Variants in RBM19 observed in about 807,000 individuals in gnomAD.
RBM19 encodes RNA binding motif protein 19, also known as probable RNA-binding protein 19.
In RBM19, 94 loss-of-function variants were observed where a neutral mutation model predicts 116.8. That is an observed-to-expected ratio of 0.80 (90% CI 0.68 to 0.95). The LOEUF is 0.95. Ranked by LOEUF, RBM19 falls within the 40% of genes least tolerant of loss-of-function variation. RBM19 has a pLI of 0.00. For missense variants in RBM19, 1,161 were observed against 1,220.7 expected (o/e 0.95, Z 0.73); for synonymous variants, 475 against 494.1 (o/e 0.96, Z 0.51).
In RBM19 at chr12:113,843,198, G is replaced by A. The variant is rs548027072; in HGVS notation, c.2785+1470C>T. 8.5e-4 allele frequency among the ~76,000 whole-genome samples: 129 copies of A among 152,330 alleles called. 1 individual carries two copies. Among genetic ancestry groups the A allele is most frequent in the African/African-American group, 2.8e-3 (116 of 41,572 alleles). Reference sequence around the variant, plus strand: ...CCTGGTTTGGCAACAGAGCTGCACCGGTCAGGCGAGGGAATAATCACTCCT... The same window carrying A: ...CCTGGTTTGGCAACAGAGCTGCACCAGTCAGGCGAGGGAATAATCACTCCT... On this transcript the variant is annotated intron_variant, in intron 23 of 23. Coordinates refer to ENST00000261741, the MANE Select transcript of RBM19 (RefSeq NM_016196.4).
At chr12:113,867,747 C>T (rs184571743) in intron 21 of RBM19, among the ~76,000 whole-genome samples, 3 of 152,088 alleles carry the variant, frequency 2.0e-5, no homozygotes, top group South Asian at 2.1e-4. Context: ...ATGGTGAAGC[C>T]CCATTTCTAC....
chr12:113,941,275 T>G, intron 14 of RBM19, among the ~76,000 whole-genome samples: 1 of 151,864 alleles, frequency 6.6e-6, no homozygotes, highest in Non-Finnish European at 1.5e-5. Flanking sequence ...CTGTGGGCCT[T>G]TTAGGTGCAA....
chr12:113,894,115 CA>C (rs3837470), intron 21 of RBM19, among the ~76,000 whole-genome samples: 10,084 of 152,158 alleles, frequency 0.066, 646 homozygotes, highest in East Asian at 0.33. Flanking sequence ...CAAGATGTCT[CA>C]AGACTTTCCG....
At chr12:113,824,562 C>G (rs921419385) in intron 23 of RBM19, among the ~76,000 whole-genome samples, 4 of 152,026 alleles carry the variant, frequency 2.6e-5, no homozygotes, top group Admixed American at 2.0e-4. Context: ...AACACCTCCC[C>G]AAATAAACCA....
In RBM19 at chr12:113,929,856, C is replaced by T. The variant is rs557236969; in HGVS notation, c.2069-2627G>A. On this transcript the variant is annotated intron_variant, in intron 16 of 23. Transcript: ENST00000261741. ...AGGCTGCTGCATCTGTACCCGAAAT[C>T]TCAGGCACCTTCTGGTTGGTGAGAC... Among the ~76,000 whole-genome samples the T allele has an allele frequency of 4.6e-5, 7 of 152,290 alleles. No homozygotes were observed. The South Asian group carries it at 1.2e-3, about 27-fold the overall frequency.
At chr12:113,910,329 C>T (rs1283208874) in intron 21 of RBM19, among the ~76,000 whole-genome samples, 1 of 152,228 alleles carries the variant, frequency 6.6e-6, no homozygotes, top group African/African-American at 2.4e-5. Context: ...ATGGCCACTA[C>T]ACCCAGGCTC....
chr12:113,828,050 C>G (rs1875029615), intron 23 of RBM19, among the ~76,000 whole-genome samples: 2 of 150,734 alleles, frequency 1.3e-5, no homozygotes, highest in African/African-American at 4.9e-5. Context: ...GTGGGCTGCT[C>G]CCCTCCTCTA....
intron 16 of RBM19, among the ~76,000 whole-genome samples, chr12:113,934,106 C>T (rs1869850264): frequency 6.6e-6 from 1 of 152,236 alleles, no homozygotes; most frequent in African/African-American, 2.4e-5. Flanking sequence ...GCATGCACCA[C>T]TACGCCCAGC....
intron 23 of RBM19, among the ~76,000 whole-genome samples, chr12:113,835,310 T>C (rs1053680909): frequency 6.6e-6 from 1 of 152,104 alleles, no homozygotes; most frequent in African/African-American, 2.4e-5. Flanking sequence ...ACTGAGTGCC[T>C]CCTCTCTGTT....
chr12:113,850,037 G>A (rs1877331926), intron 22 of RBM19, among the ~76,000 whole-genome samples: 1 of 152,224 alleles, frequency 6.6e-6, no homozygotes, highest in Non-Finnish European at 1.5e-5. Flanking sequence ...AGCAGCTCCA[G>A]CCCTGGCTTT....
chr12:113,895,591 G>A (rs1189005642), intron 21 of RBM19, among the ~76,000 whole-genome samples: 5 of 152,112 alleles, frequency 3.3e-5, no homozygotes, highest in African/African-American at 7.2e-5. Context: ...CACATCCGTC[G>A]CCTACAGGTT....
intron 18 of RBM19, among the ~76,000 whole-genome samples, chr12:113,922,077 G>A (rs1385895230): frequency 2.0e-5 from 3 of 152,250 alleles, no homozygotes; most frequent in East Asian, 1.9e-4. Flanking sequence ...CAGTGGCCAC[G>A]TCCAATCCAC....
At chr12:113,876,460 T>C (rs1477245410) in intron 21 of RBM19, among the ~76,000 whole-genome samples, 1 of 152,158 alleles carries the variant, frequency 6.6e-6, no homozygotes, top group Non-Finnish European at 1.5e-5. Context: ...TCTATGGCAA[T>C]GAACACAGAG....
At chr12:113,835,337 C>A (rs1444864682) in intron 23 of RBM19, among the ~76,000 whole-genome samples, 1 of 152,198 alleles carries the variant, frequency 6.6e-6, no homozygotes, top group Non-Finnish European at 1.5e-5. Flanking sequence ...GGGGCCCAGG[C>A]AGGTTGGTCA....
intron 21 of RBM19, among the ~76,000 whole-genome samples, chr12:113,883,001 C>T (rs1268749228): frequency 6.6e-6 from 1 of 151,818 alleles, no homozygotes; most frequent in Non-Finnish European, 1.5e-5. Flanking sequence ...ATTGCCAAGC[C>T]TAAACATTTT....
intron 13 of RBM19, among the ~76,000 whole-genome samples, chr12:113,944,224 A>G (rs1870832655): frequency 1.3e-5 from 2 of 150,286 alleles, no homozygotes; most frequent in Non-Finnish European, 2.9e-5. Flanking sequence ...CAGCCTCCCA[A>G]ATAGCTGGGA....
At chr12:113,857,991 G>A (rs1363515619) in intron 22 of RBM19, among the ~76,000 whole-genome samples, 2 of 152,256 alleles carry the variant, frequency 1.3e-5, no homozygotes, top group Non-Finnish European at 2.9e-5. Flanking sequence ...TGAGAGAGGG[G>A]ACAGGCCACC....
chr12:113,874,527 A>G (rs1444904445), intron 21 of RBM19, among the ~76,000 whole-genome samples: 1 of 152,214 alleles, frequency 6.6e-6, no homozygotes, highest in East Asian at 1.9e-4. Context: ...CTGAGGTCAC[A>G]GGACTTGCGT....
At chr12:113,924,563 G>A in intron 18 of RBM19, 134 bp downstream of exon 18, 1 of 805,146 alleles carries the variant, frequency 1.2e-6, no homozygotes, top group Non-Finnish European at 2.1e-6. Flanking sequence ...GGCTGACCAT[G>A]CTTCAGAAAA....
Sources: gnomAD v4.1 joint callset for allele counts (sites outside exome capture counted in the v4.1 genomes callset) on GRCh38, gnomAD v4.1.1 for gene constraint, MANE v1.5 for transcripts, NCBI Gene and HGNC (gene_info 2026-07-23, HGNC 2026-07-21) for gene names.